ERI3: variants seen among roughly 807,000 people sequenced by gnomAD.
ERI3 encodes ERI1 exoribonuclease 3.
A neutral mutation model predicts 44.4 loss-of-function variants in ERI3; 18 were observed. The observed-to-expected ratio is 0.41, with a 90% CI of 0.28 to 0.60. ERI3 has a LOEUF of 0.60. Among genes scored for constraint, ERI3 ranks in the 20% least tolerant of loss-of-function variants. The pLI, the probability that ERI3 is intolerant of heterozygous loss-of-function variation, is 0.36. For synonymous variants in ERI3, 183 were observed against 164.8 expected (o/e 1.11, Z -0.84); for missense variants, 294 against 435.5 (o/e 0.68, Z 2.89).
chr1:44,253,001 T>TC (rs1644713380), intron 7 of ERI3, among the ~76,000 whole-genome samples: 3 of 152,216 alleles, frequency 2.0e-5, no homozygotes, highest in Admixed American at 2.0e-4. Context: ...TGCAGGTGAT[T>TC]GCTCAAGACT....
At chr1:44,324,476 C>CTTTTTTTTTT (rs35475844) in intron 3 of ERI3, among the ~76,000 whole-genome samples, 1 of 90,432 alleles carries the variant, frequency 1.1e-5, no homozygotes, top group Non-Finnish European at 2.1e-5. Flanking sequence ...AACATAGACT[C>CTTTTTTTTTT]TTTTTTTTTT....
At position 44,238,832 on chromosome 1, in the gene ERI3, A is replaced by G. The variant is rs998116096; in HGVS notation, c.931+9107T>C. Among the ~76,000 whole-genome samples the G allele has an allele frequency of 3.3e-5, 5 of 152,072 alleles. No individual in the cohort carries two copies. In the East Asian group the frequency reaches 9.7e-4, roughly 30 times the overall value. On this transcript the variant is annotated intron_variant, in intron 8 of 8. Transcript: ENST00000372257. ...TCTACCCTGCAGGAGGAGGGGAGGA[A>G]GAGTCCCCTCCTCCTCCTCCCCTGC...
chr1:44,249,093 C>T (rs1273221566), intron 7 of ERI3, among the ~76,000 whole-genome samples: 1 of 152,214 alleles, frequency 6.6e-6, no homozygotes, highest in Non-Finnish European at 1.5e-5. Context: ...TCCTGCTCAG[C>T]CTGTTAACCA....
chr1:44,352,988 A>AAC, intron 1 of ERI3, 63 bp from the exon 2 acceptor site: 1 of 1,609,956 alleles, frequency 6.2e-7, no homozygotes, highest in South Asian at 1.1e-5. Flanking sequence ...AATCCCCATG[A>AAC]AGGATACTAC....
chr1:44,233,688 G>A (rs1479802218), intron 8 of ERI3, among the ~76,000 whole-genome samples: 1 of 152,100 alleles, frequency 6.6e-6, no homozygotes, highest in Non-Finnish European at 1.5e-5. Flanking sequence ...CACTGATACA[G>A]CTTCACTTTT....
chr1:44,256,263 GAACAGC>G (rs1224469115), intron 7 of ERI3, among the ~76,000 whole-genome samples: 1 of 152,170 alleles, frequency 6.6e-6, no homozygotes, highest in African/African-American at 2.4e-5. Context: ...TTGCCCAGCA[GAACAGC>G]AACAGCCCAC....
Position 44,240,545 on chromosome 1 carries a change from C to CT in ERI3, c.931+7393dup, listed in dbSNP as rs573350759. Among the ~76,000 whole-genome samples, 40 of 152,350 alleles carry CT rather than the reference C, an allele frequency of 2.6e-4. No individual in the cohort carries two copies. In the South Asian group the frequency reaches 7.9e-3, roughly 30 times the overall value. ...GTTCAAATTCCTGCTCTCTCACTTC[C>CT]TTGCTGAGCAGCAATCGGTCATGAC... is the stretch of plus-strand genomic sequence containing the variant. On this transcript the variant is annotated intron_variant, in intron 8 of 8. Coordinates refer to ENST00000372257, the MANE Select transcript of ERI3 (RefSeq NM_024066.3).
intron 4 of ERI3, among the ~76,000 whole-genome samples, chr1:44,313,477 G>A (rs2154328379): frequency 6.6e-6 from 1 of 152,276 alleles, no homozygotes; most frequent in East Asian, 1.9e-4. Flanking sequence ...CACAAGGCGT[G>A]TTCTCACACC....
In ERI3 at chr1:44,307,696, G is replaced by A. The variant is rs368294282; in HGVS notation, c.758+614C>T. Among the ~76,000 whole-genome samples the A allele has an allele frequency of 5.1e-4, 78 of 152,312 alleles. No individual in the cohort carries two copies. The East Asian group carries it at 0.011, about 21-fold the overall frequency. On this transcript the variant is annotated intron_variant, in intron 6 of 8. Coordinates refer to ENST00000372257, the MANE Select transcript of ERI3 (RefSeq NM_024066.3). ...GCAGTGGGGACAAAGGAGGAAAGAG[G>A]AGGCTGGTGACGTGGGCAGCTTCCC...
intron 7 of ERI3, among the ~76,000 whole-genome samples, chr1:44,269,627 A>G (rs181304590): frequency 1.3e-5 from 2 of 152,334 alleles, no homozygotes; most frequent in African/African-American, 2.4e-5. Context: ...GACCTGGAGT[A>G]CAAGGCCAAT....
chr1:44,242,602 C>G (rs540060975), intron 8 of ERI3, among the ~76,000 whole-genome samples: 1 of 152,172 alleles, frequency 6.6e-6, no homozygotes, highest in Non-Finnish European at 1.5e-5. Context: ...GAGGTGGACA[C>G]GGTCACTCTG....
intron 1 of ERI3, chr1:44,353,982 T>C (rs1243936302): frequency 2.0e-6 from 2 of 985,248 alleles, no homozygotes; most frequent in African/African-American, 1.7e-5. Flanking sequence ...TGTTTATAAA[T>C]TGGCTTTTAA....
chr1:44,344,921 A>G (rs1275453448), intron 2 of ERI3, among the ~76,000 whole-genome samples: 1 of 152,236 alleles, frequency 6.6e-6, no homozygotes, highest in Non-Finnish European at 1.5e-5. Flanking sequence ...CCACGGGGCC[A>G]GCCCGATTTG....
chr1:44,309,550 C>T (rs1645909787), intron 5 of ERI3, among the ~76,000 whole-genome samples: 1 of 151,694 alleles, frequency 6.6e-6, no homozygotes. Flanking sequence ...TTACAGAAGA[C>T]CCCAGGCATG....
chr1:44,248,093 C>A, intron 7 of ERI3, 55 bp from the exon 8 acceptor site: 1 of 1,285,432 alleles, frequency 7.8e-7, no homozygotes, highest in South Asian at 1.3e-5. Context: ...GAACCAACCC[C>A]ACTCACAAGG....
At chr1:44,253,671 C>T (rs1414448523) in intron 7 of ERI3, among the ~76,000 whole-genome samples, 1 of 152,234 alleles carries the variant, frequency 6.6e-6, no homozygotes, top group East Asian at 1.9e-4. Context: ...CCACCTCAAT[C>T]ACTGGAAAGT....
rs150431838 is a variant in ERI3 at position 44,353,858 on chromosome 1, A to G, written c.136-933T>C. On this transcript the variant is annotated intron_variant, in intron 1 of 8. Transcript: ENST00000372257. Reference sequence around the variant, plus strand: ...AGAATCTATAAAGGAAACCTTATCAATCACTTCCCGGCAGCTCCCTTCCCC... The same window carrying G: ...AGAATCTATAAAGGAAACCTTATCAGTCACTTCCCGGCAGCTCCCTTCCCC... 1.9e-3 allele frequency: 1,833 copies of G among 985,340 alleles called. 11 individuals are homozygous for G. In the Middle Eastern group the frequency reaches 0.02, roughly 11 times the overall value. The allele number at this position is 985,340 out of a possible 1,614,324, so 61.0% of individuals were successfully genotyped here.
intron 3 of ERI3, among the ~76,000 whole-genome samples, chr1:44,336,017 T>G (rs226062): frequency 0.57 from 87,069 of 151,968 alleles, 26,815 homozygotes; most frequent in East Asian, 0.74. Flanking sequence ...TTGGAATAAT[T>G]ACTCCTCACA....
chr1:44,343,882 C>A (rs1191193157), intron 2 of ERI3, among the ~76,000 whole-genome samples: 3 of 152,112 alleles, frequency 2.0e-5, no homozygotes, highest in African/African-American at 7.2e-5. Context: ...GGAAAAAATT[C>A]TTTCTACTGT....
Sources: allele counts gnomAD v4.1 joint callset (sites outside exome capture counted in the v4.1 genomes callset), GRCh38; gene constraint gnomAD v4.1.1; transcripts MANE v1.5; gene names NCBI Gene and HGNC (gene_info 2026-07-23, HGNC 2026-07-21).